Variants in ANK1 observed in about 807,000 individuals in gnomAD.
ANK1 encodes the protein ankyrin 1.
ANK1 carries 51 observed loss-of-function variants against 210.4 expected under a neutral mutation model. The ratio of observed to expected loss-of-function variants is 0.24; its 90% CI spans 0.19 to 0.31. The LOEUF is 0.31. Among genes scored for constraint, ANK1 ranks in the 10% least tolerant of loss-of-function variants. ANK1 has a pLI of 1.00. For synonymous variants in ANK1, 967 were observed against 1,025.9 expected, an observed-to-expected ratio of 0.94 and a Z score of 1.10; for missense variants, 2,051 against 2,504.4, an observed-to-expected ratio of 0.82 and a Z score of 3.86.
intron 1 of ANK1, among the ~76,000 whole-genome samples, chr8:41,773,885 G>A (rs1393203668): frequency 6.6e-6 from 1 of 152,144 alleles, no homozygotes; most frequent in African/African-American, 2.4e-5. Flanking sequence ...AAGCCTGCGG[G>A]GGACAGGATT....
At chr8:41,784,359 T>G (rs1845936260) in intron 1 of ANK1, among the ~76,000 whole-genome samples, 1 of 152,242 alleles carries the variant, frequency 6.6e-6, no homozygotes, top group Non-Finnish European at 1.5e-5. Context: ...GTGAATTCCT[T>G]CTTAAAGCAA....
intron 2 of ANK1, 72 bp from the exon 3 acceptor site, chr8:41,734,141 C>A: frequency 7.7e-7 from 1 of 1,303,182 alleles, no homozygotes; most frequent in Non-Finnish European, 1.1e-6. Context: ...AGTGGGGGCC[C>A]AGGCCCCTTC....
intron 8 of ANK1, 100 bp downstream of exon 8, chr8:41,723,435 G>T (rs554763510): frequency 7.2e-7 from 1 of 1,391,812 alleles, no homozygotes; most frequent in Non-Finnish European, 1.0e-6. Context: ...GGCTGGTGGT[G>T]CATCCCTAAC....
chr8:41,883,622 G>A (rs1194654274), intron 1 of ANK1, among the ~76,000 whole-genome samples: 2 of 152,082 alleles, frequency 1.3e-5, no homozygotes, highest in Non-Finnish European at 2.9e-5. Context: ...ACCACACCTG[G>A]CTAATTTTTA....
intron 24 of ANK1, 68 bp downstream of exon 24, chr8:41,697,975 T>C (rs1268197425): frequency 2.7e-6 from 4 of 1,503,324 alleles, no homozygotes; most frequent in Admixed American, 1.7e-5. Flanking sequence ...AGGCCACCCC[T>C]CAACAATCAC....
intron 39 of ANK1, chr8:41,663,996 C>A: frequency 1.6e-6 from 1 of 616,256 alleles, no homozygotes; most frequent in Non-Finnish European, 3.0e-6. Context: ...CACAACACCC[C>A]CTGGGAACCT....
chr8:41,858,461 G>A (rs975436308), intron 1 of ANK1, among the ~76,000 whole-genome samples: 2 of 152,254 alleles, frequency 1.3e-5, no homozygotes, highest in South Asian at 2.1e-4. Context: ...AAACACTGGG[G>A]GAGGCCCTGT....
chr8:41,699,515 C>G lies in ANK1; in HGVS notation c.2495G>C (p.Arg832Pro). ...CTCTTCATCAACATCCCTGGAATCC[C>G]GCCTCTCAGCCTTGAAGCTGATGAG... ...EELISFKAER[R>P]DSRDVDEEKE... Residue 832 changes from arginine to proline, a missense_variant, in exon 23 of 43, where the codon CGG becomes CCG. Arg to Pro is a moderately radical substitution (Grantham distance 103). Coordinates refer to ENST00000289734, the MANE Select transcript of ANK1 (RefSeq NM_000037.4). 1 of 1,614,152 alleles carries G rather than the reference C, an allele frequency of 6.2e-7. No homozygotes were observed. Among genetic ancestry groups the G allele is most frequent in the Non-Finnish European group, 8.5e-7 (1 of 1,180,040 alleles).
Position 41,672,702 on chromosome 8 carries a change from G to T in ANK1, c.4748C>A (p.Ser1583Tyr), listed in dbSNP as rs1167254275. The change falls in exon 38 of 43, where the codon TCC becomes TAC. Residue 1583 changes from serine (S) to tyrosine (Y), a missense_variant. Transcript: ENST00000289734. ...LTPSLVTAEDSSLECSKAEDS... is the reference protein window; with the variant it reads ...LTPSLVTAEDYSLECSKAEDS... The stretch of plus-strand genomic sequence containing the variant: ...CTCAGCCTTGCTACACTCCAGAGAG[G>T]AGTCCTCAGCAGTGACCAGAGAAGG... 1.2e-6 allele frequency: 2 copies of T among 1,613,238 alleles called. No individual in the cohort carries two copies. The highest frequency in any genetic ancestry group is 2.2e-5 in the South Asian group (2 of 91,040).
At chr8:41,788,147 C>A (rs1846816773) in intron 1 of ANK1, among the ~76,000 whole-genome samples, 2 of 152,166 alleles carry the variant, frequency 1.3e-5, no homozygotes, top group Non-Finnish European at 2.9e-5. Flanking sequence ...ATGGGGCGTG[C>A]ATGATTCATC....
intron 1 of ANK1, among the ~76,000 whole-genome samples, chr8:41,871,081 C>T (rs1024822080): frequency 6.6e-6 from 1 of 152,196 alleles, no homozygotes; most frequent in African/African-American, 2.4e-5. Flanking sequence ...ACGGGCCACA[C>T]CTTTGACTCT....
chr8:41,724,397 A>G, intron 7 of ANK1, 59 bp downstream of exon 7: 1 of 1,407,998 alleles, frequency 7.1e-7, no homozygotes, highest in Non-Finnish European at 9.8e-7. Flanking sequence ...GTGCCGAGGC[A>G]GGAGCAACTG....
intron 1 of ANK1, among the ~76,000 whole-genome samples, chr8:41,848,201 A>C (rs1255011798): frequency 6.6e-6 from 1 of 151,104 alleles, no homozygotes; most frequent in African/African-American, 2.4e-5. Context: ...TAAATAAATA[A>C]ATAAATAAAT....
intron 15 of ANK1, among the ~76,000 whole-genome samples, chr8:41,714,579 G>T (rs1434312810): frequency 1.3e-5 from 2 of 152,194 alleles, no homozygotes; most frequent in African/African-American, 4.8e-5. Context: ...AATATAAACA[G>T]GCCGGGTGCA....
At chr8:41,811,182 C>G (rs201798134) in intron 1 of ANK1, among the ~76,000 whole-genome samples, 1 of 152,186 alleles carries the variant, frequency 6.6e-6, no homozygotes, top group South Asian at 2.1e-4. Flanking sequence ...TAGCAAAGCT[C>G]AAGCCGCTAC....
chr8:41,846,577 T>TA (rs2150808513), intron 1 of ANK1, among the ~76,000 whole-genome samples: 1 of 152,354 alleles, frequency 6.6e-6, no homozygotes, highest in Admixed American at 6.5e-5. Flanking sequence ...AATTACTGCT[T>TA]ACAGTGCAAG....
chr8:41,707,308 G>T (rs574104492), intron 17 of ANK1, among the ~76,000 whole-genome samples: 1 of 152,318 alleles, frequency 6.6e-6, no homozygotes, highest in African/African-American at 2.4e-5. Context: ...TCTCTCCCCT[G>T]GACTTTGCCT....
intron 1 of ANK1, among the ~76,000 whole-genome samples, chr8:41,854,092 T>C (rs1031255955): frequency 2.0e-5 from 3 of 152,394 alleles, no homozygotes; most frequent in Admixed American, 1.3e-4. Flanking sequence ...CTATTTATTA[T>C]GGCTTCCAAT....
At chr8:41,763,885 T>TTTG (rs1563703107) in intron 1 of ANK1, among the ~76,000 whole-genome samples, 3 of 109,860 alleles carry the variant, frequency 2.7e-5, no homozygotes, top group African/African-American at 3.3e-5. Context: ...TTTTTTCTTT[T>TTTG]TTTCTTTTTT....
Sources: gnomAD v4.1 joint callset for allele counts (sites outside exome capture counted in the v4.1 genomes callset) on GRCh38, gnomAD v4.1.1 for gene constraint, MANE v1.5 for transcripts, NCBI Gene and HGNC (gene_info 2026-07-23, HGNC 2026-07-21) for gene names.